The following SDAD1 variants were observed in gnomAD, a reference collection of about 807,000 sequenced individuals.
SDAD1 encodes protein SDA1 homolog.
A neutral mutation model predicts 100.3 loss-of-function variants in SDAD1; 79 were observed. The ratio of observed to expected loss-of-function variants is 0.79; its 90% CI spans 0.66 to 0.95. SDAD1 has a LOEUF of 0.95. Among genes scored for constraint, SDAD1 ranks in the 40% least tolerant of loss-of-function variants. The probability of loss-of-function intolerance (pLI) is 0.00; values close to 1 mark genes in which losing one functional copy is unlikely to be tolerated. For missense variants in SDAD1, 790 were observed against 810.9 expected (o/e 0.97, Z 0.31); for synonymous variants, 267 against 271.4 (o/e 0.98, Z 0.16).
At chr4:75,989,808 C>T (rs1363936927) in intron 1 of SDAD1, among the ~76,000 whole-genome samples, 1 of 152,126 alleles carries the variant, frequency 6.6e-6, no homozygotes, top group Non-Finnish European at 1.5e-5. Context: ...CTACTGGTGA[C>T]CTAAGCCACT....
In SDAD1 at chr4:75,964,141, G is replaced by A; in HGVS notation, c.1175C>T (p.Thr392Ile). ...VTDKNSGEVM[T>I]VGINAIKEIT... ...CCAACCAGATTCTACATACCCTACT[G>A]TCATGACTTCTCCAGAGTTCTTGTC... is the stretch of plus-strand genomic sequence containing the variant. The change falls in exon 14 of 22, where the codon ACA (threonine) becomes ATA (isoleucine). Residue 392 changes from threonine (T) to isoleucine (I), a missense_variant. Transcript: ENST00000356260. 1 of 1,606,232 alleles carries A rather than the reference G, an allele frequency of 6.2e-7. No individual in the cohort carries two copies. The highest frequency in any genetic ancestry group is 1.1e-5 in the South Asian group (1 of 90,642).
In SDAD1 at chr4:75,956,050, T is replaced by C. The variant is rs748022684; in HGVS notation, c.1941A>G (p.Lys647=). 3 of 1,613,252 alleles carry C rather than the reference T, an allele frequency of 1.9e-6. No homozygotes were observed. Among genetic ancestry groups the C allele is most frequent in the South Asian group, 1.1e-5 (1 of 90,776 alleles). ...ACCGCATCATCATAAAGTTCTTCTG[T>C]TTTTTCTTCTCTTTATTTGTCGAAC... The part of the protein sequence containing the change: ...FSSSTNKEKK[K]QKNFMMMRYS... Residue 647 remains lysine, a synonymous_variant, in exon 21 of 22, where the codon AAA becomes AAG. Transcript: ENST00000356260.
At chr4:75,960,028 A>C in intron 17 of SDAD1, 38 bp downstream of exon 17, 1 of 1,588,294 alleles carries the variant, frequency 6.3e-7, no homozygotes, top group Admixed American at 1.8e-5. Flanking sequence ...ATACTGCAGG[A>C]GTGTTTTGCC....
chr4:75,982,618 C>T (rs1578146695), intron 1 of SDAD1, among the ~76,000 whole-genome samples: 1 of 152,060 alleles, frequency 6.6e-6, no homozygotes. Flanking sequence ...CACTGCACTC[C>T]AGCCTAGGCA....
At chr4:75,964,009 T>G in intron 14 of SDAD1, 126 bp downstream of exon 14, 1 of 632,520 alleles carries the variant, frequency 1.6e-6, no homozygotes, top group Non-Finnish European at 2.7e-6. Flanking sequence ...CCAAAAAGAC[T>G]GAAATATATT....
rs1209314441 is a variant in SDAD1, at chr4:75,974,060, C to T, written c.636+16G>A. ...ATCCACAGACAGAGCTTACACACAG[C>T]CCTATAGGTGCTCACCTTGGTGACC... On this transcript the variant is annotated intron_variant, in intron 7 of 21. Coordinates refer to ENST00000356260, the MANE Select transcript of SDAD1 (RefSeq NM_018115.4). 6.2e-7 allele frequency: 1 copy of T among 1,610,630 alleles called. No homozygotes were observed. Among genetic ancestry groups the T allele is most frequent in the Admixed American group, 1.7e-5 (1 of 60,002 alleles).
At chr4:75,970,478 T>TAAAA in intron 9 of SDAD1, 100 bp from the exon 10 acceptor site, 1 of 798,394 alleles carries the variant, frequency 1.3e-6, no homozygotes, top group Admixed American at 2.9e-5. Context: ...TTAGACTCTT[T>TAAAA]AAAAAGAAAA....
At chr4:75,988,886 C>CT (rs1187739128) in intron 1 of SDAD1, among the ~76,000 whole-genome samples, 1 of 152,198 alleles carries the variant, frequency 6.6e-6, no homozygotes, top group African/African-American at 2.4e-5. Context: ...CAGCACGAAT[C>CT]TTTGCCCATA....
intron 21 of SDAD1, among the ~76,000 whole-genome samples, chr4:75,952,933 T>G (rs1367696714): frequency 6.6e-6 from 1 of 152,232 alleles, no homozygotes; most frequent in East Asian, 1.9e-4. Flanking sequence ...ATTTCCTCTT[T>G]TTTTACTTGT....
intron 21 of SDAD1, among the ~76,000 whole-genome samples, chr4:75,953,877 A>G (rs1326771404): frequency 2.0e-5 from 3 of 152,234 alleles, no homozygotes; most frequent in Non-Finnish European, 4.4e-5. Context: ...CACAATGAAT[A>G]ACTGAAATAA....
At chr4:75,965,427 G>A (rs544429764) in intron 13 of SDAD1, among the ~76,000 whole-genome samples, 1 of 152,074 alleles carries the variant, frequency 6.6e-6, no homozygotes, top group Non-Finnish European at 1.5e-5. Flanking sequence ...CATTTGCCTT[G>A]TAATATTTTA....
At chr4:75,969,455 T>C in intron 10 of SDAD1, 56 bp from the exon 11 acceptor site, 1 of 1,166,528 alleles carries the variant, frequency 8.6e-7, no homozygotes, top group African/African-American at 1.5e-5. Context: ...ATGTGACATT[T>C]ATGTAACAGG....
chr4:75,951,403 G>T (rs1369924445), intron 21 of SDAD1, among the ~76,000 whole-genome samples: 1 of 152,148 alleles, frequency 6.6e-6, no homozygotes, highest in African/African-American at 2.4e-5. Context: ...CAAACATGAA[G>T]ATATTAACTC....
At chr4:75,983,712 C>G (rs187222865) in intron 1 of SDAD1, among the ~76,000 whole-genome samples, 50 of 152,074 alleles carry the variant, frequency 3.3e-4, no homozygotes, top group Non-Finnish European at 6.0e-4. Context: ...GGATAGATTG[C>G]AAAAATTTTC....
intron 1 of SDAD1, among the ~76,000 whole-genome samples, chr4:75,988,951 T>C (rs1240766993): frequency 1.3e-5 from 2 of 152,182 alleles, no homozygotes; most frequent in Non-Finnish European, 1.5e-5. Flanking sequence ...ATTATATTAG[T>C]TACCCTGCTT....
chr4:75,974,344 C>G (rs1401623141), intron 6 of SDAD1, among the ~76,000 whole-genome samples: 2 of 148,644 alleles, frequency 1.3e-5, no homozygotes, highest in Non-Finnish European at 3.0e-5. Flanking sequence ...ACAAAATTTG[C>G]AGCCATTAAG....
At chr4:75,956,185 G>T (rs1728882731) in intron 20 of SDAD1, 49 bp from the exon 21 acceptor site, 1 of 1,551,386 alleles carries the variant, frequency 6.4e-7, no homozygotes. Flanking sequence ...CATACTTTAG[G>T]AGTCATCTAA....
intron 3 of SDAD1, among the ~76,000 whole-genome samples, chr4:75,979,939 T>C (rs1730402305): frequency 6.6e-6 from 1 of 152,054 alleles, no homozygotes; most frequent in Non-Finnish European, 1.5e-5. Flanking sequence ...ACTCCTGACC[T>C]CAAGCAATCC....
chr4:75,961,347 G>GC, intron 14 of SDAD1, 39 bp from the exon 15 acceptor site: 1 of 1,461,944 alleles, frequency 6.8e-7, no homozygotes, highest in Non-Finnish European at 9.5e-7. Context: ...AGCCCGAATA[G>GC]CAATTTTTTC....
Sources: allele counts gnomAD v4.1 joint callset (sites outside exome capture counted in the v4.1 genomes callset), GRCh38; gene constraint gnomAD v4.1.1; transcripts MANE v1.5; gene names NCBI Gene and HGNC (gene_info 2026-07-23, HGNC 2026-07-21).